Variants in PAFAH1B1 observed in about 807,000 individuals in gnomAD.
PAFAH1B1 encodes platelet activating factor acetylhydrolase 1b regulatory subunit 1.
PAFAH1B1 carries 2 observed loss-of-function variants against 57.5 expected under a neutral mutation model. The observed-to-expected ratio is 0.03, with a 90% CI of 0.01 to 0.11. The LOEUF is 0.11. Among genes scored for constraint, PAFAH1B1 ranks in the 10% least tolerant of loss-of-function variants. PAFAH1B1 has a pLI of 1.00. For synonymous variants in PAFAH1B1, 152 were observed against 169.6 expected, an observed-to-expected ratio of 0.90 and a Z score of 0.81; for missense variants, 257 against 512.0, an observed-to-expected ratio of 0.50 and a Z score of 4.81.
At chr17:2,602,608 C>G (rs951369051) in intron 1 of PAFAH1B1, among the ~76,000 whole-genome samples, 1 of 152,158 alleles carries the variant, frequency 6.6e-6, no homozygotes, top group Non-Finnish European at 1.5e-5. Context: ...TTCACATCGT[C>G]TCTCTAAATT....
intron 1 of PAFAH1B1, among the ~76,000 whole-genome samples, chr17:2,629,622 T>G (rs2068532095): frequency 6.6e-6 from 1 of 152,214 alleles, no homozygotes; most frequent in South Asian, 2.1e-4. Flanking sequence ...ATAGTTTAAA[T>G]CCGTTGTTCC....
chr17:2,655,213 G>A (rs891048706), intron 2 of PAFAH1B1, among the ~76,000 whole-genome samples: 17 of 150,938 alleles, frequency 1.1e-4, no homozygotes, highest in Non-Finnish European at 2.2e-4. Context: ...GTGTGTGTGT[G>A]TGTTTATAAG....
At chr17:2,602,509 T>A (rs1567522864) in intron 1 of PAFAH1B1, among the ~76,000 whole-genome samples, 1 of 152,210 alleles carries the variant, frequency 6.6e-6, no homozygotes, top group Non-Finnish European at 1.5e-5. Flanking sequence ...TTTTACCTCC[T>A]CGATATTTGT....
chr17:2,665,352 C>G lies in PAFAH1B1; in HGVS notation c.33-20C>G, dbSNP rs1398538019. On this transcript the variant is annotated intron_variant, in intron 2 of 10. Transcript: ENST00000397195. ...GAAATGAGGTCTTTTTTTTAGGAGT[C>G]ATTTGAATTTTTCTTTCAGAAATCG... The G allele has an allele frequency of 1.4e-6, 2 of 1,409,418 alleles. No individual in the cohort carries two copies. The highest frequency in any genetic ancestry group is 2.0e-6 in the Non-Finnish European group (2 of 996,108). 87.3% of individuals were successfully genotyped at this position (1,409,418 alleles called of 1,614,324 possible).
chr17:2,624,159 A>T (rs1001583879), intron 1 of PAFAH1B1, among the ~76,000 whole-genome samples: 1 of 152,134 alleles, frequency 6.6e-6, no homozygotes, highest in African/African-American at 2.4e-5. Context: ...CCTCATTTCC[A>T]TCTGAGACCA....
chr17:2,662,229 T>G (rs2069024352), intron 2 of PAFAH1B1, among the ~76,000 whole-genome samples: 1 of 152,128 alleles, frequency 6.6e-6, no homozygotes, highest in Admixed American at 6.6e-5. Flanking sequence ...ATAATTTCAT[T>G]CGTTATGTTT....
chr17:2,664,713 G>C (rs2069080712), intron 2 of PAFAH1B1, among the ~76,000 whole-genome samples: 1 of 130,798 alleles, frequency 7.6e-6, no homozygotes, highest in African/African-American at 3.1e-5. Context: ...CATCTATAAA[G>C]CCCAAAACAT....
intron 1 of PAFAH1B1, among the ~76,000 whole-genome samples, chr17:2,601,524 C>T (rs976289629): frequency 1.2e-4 from 18 of 152,166 alleles, no homozygotes; most frequent in Admixed American, 2.6e-4. Flanking sequence ...TTACTTCAAC[C>T]TCTGCCTCCT....
rs1050185749 is a variant in PAFAH1B1 at position 2,616,896 on chromosome 17, T to C, written c.-190-21203T>C. ...GGCTAACACGGTGAAACCCCGTCTCTACTAAAAATACCAAAAAAAAAAAAA... is the reference window on the plus strand; with the variant it reads ...GGCTAACACGGTGAAACCCCGTCTCCACTAAAAATACCAAAAAAAAAAAAA... On this transcript the variant is annotated intron_variant, in intron 1 of 10. Coordinates refer to ENST00000397195, the MANE Select transcript of PAFAH1B1 (RefSeq NM_000430.4). 1.7e-4 allele frequency among the ~76,000 whole-genome samples: 26 copies of C among 150,036 alleles called. 1 individual carries two copies. Among genetic ancestry groups the C allele is most frequent in the African/African-American group, 6.4e-4 (26 of 40,522 alleles).
intron 2 of PAFAH1B1, among the ~76,000 whole-genome samples, chr17:2,642,850 T>A (rs1467711738): frequency 6.6e-6 from 1 of 152,028 alleles, no homozygotes; most frequent in Non-Finnish European, 1.5e-5. Context: ...GTTTTCATCC[T>A]CCCCCTCACT....
At chr17:2,643,689 A>G (rs1445130336) in intron 2 of PAFAH1B1, among the ~76,000 whole-genome samples, 5 of 151,800 alleles carry the variant, frequency 3.3e-5, no homozygotes, top group Admixed American at 2.6e-4. Flanking sequence ...CCTCCTGAGT[A>G]GCTGGGGTTA....
At chr17:2,670,425 A>G in intron 6 of PAFAH1B1, 94 bp downstream of exon 6, 2 of 1,174,150 alleles carry the variant, frequency 1.7e-6, no homozygotes, top group Non-Finnish European at 2.6e-6. Flanking sequence ...TCCTTTATTC[A>G]CCTCTTAATT....
At position 2,662,423 on chromosome 17, in the gene PAFAH1B1, T is replaced by TGTGTGTGA. The variant is rs1032805011; in HGVS notation, c.33-2948_33-2947insTGTGTGAG. ...GTGTGTGTGTGTGTGTGTGTGTGTG[T>TGTGTGTGA]GACGGAGTTTCACTCTGTCATCCAG... On this transcript the variant is annotated intron_variant, in intron 2 of 10. Coordinates refer to ENST00000397195, the MANE Select transcript of PAFAH1B1 (RefSeq NM_000430.4). 2.0e-4 allele frequency among the ~76,000 whole-genome samples: 29 copies of TGTGTGTGA among 144,070 alleles called. No individual in the cohort carries two copies. In the East Asian group the frequency reaches 3.6e-3, roughly 18 times the overall value. 94.5% of individuals were successfully genotyped at this position (144,070 alleles called of 152,430 possible).
intron 1 of PAFAH1B1, among the ~76,000 whole-genome samples, chr17:2,610,573 A>G (rs983114609): frequency 6.6e-6 from 1 of 152,214 alleles, no homozygotes; most frequent in Non-Finnish European, 1.5e-5. Flanking sequence ...ACATTGGAAG[A>G]AAAAGAATTG....
intron 2 of PAFAH1B1, among the ~76,000 whole-genome samples, chr17:2,645,453 C>T (rs1356814073): frequency 6.6e-6 from 1 of 151,128 alleles, no homozygotes; most frequent in African/African-American, 2.4e-5. Flanking sequence ...ATTAGCTGGG[C>T]GTGATAGCGC....
intron 2 of PAFAH1B1, among the ~76,000 whole-genome samples, chr17:2,664,026 C>T (rs2069059095): frequency 1.3e-5 from 2 of 152,054 alleles, no homozygotes; most frequent in Non-Finnish European, 2.9e-5. Flanking sequence ...GTGATTTGCC[C>T]GCCTCGGCCT....
At chr17:2,649,896 ATTT>A (rs1171977873) in intron 2 of PAFAH1B1, among the ~76,000 whole-genome samples, 1 of 152,240 alleles carries the variant, frequency 6.6e-6, no homozygotes, top group Non-Finnish European at 1.5e-5. Context: ...AGACATGCCC[ATTT>A]ATGAAATTTA....
intron 2 of PAFAH1B1, among the ~76,000 whole-genome samples, chr17:2,653,418 TAA>T (rs34906915): frequency 2.0e-5 from 3 of 147,360 alleles, no homozygotes; most frequent in East Asian, 2.0e-4. Flanking sequence ...TTAAAAGTAT[TAA>T]AAAAAAAAAA....
intron 1 of PAFAH1B1, among the ~76,000 whole-genome samples, chr17:2,627,578 T>C (rs1276418781): frequency 1.3e-5 from 2 of 152,228 alleles, no homozygotes; most frequent in Non-Finnish European, 2.9e-5. Flanking sequence ...TGCAGTCTCT[T>C]TTTTGGTTCC....
Sources: allele counts gnomAD v4.1 joint callset (sites outside exome capture counted in the v4.1 genomes callset), GRCh38; gene constraint gnomAD v4.1.1; transcripts MANE v1.5; gene names NCBI Gene and HGNC (gene_info 2026-07-23, HGNC 2026-07-21).